The following ZNF521 variants were observed in gnomAD, a reference collection of about 807,000 sequenced individuals.
The protein encoded by ZNF521 is zinc finger protein 521.
Under a neutral mutation model 105.5 loss-of-function variants are expected in ZNF521, and 14 were observed. That is an observed-to-expected ratio of 0.13 (90% CI 0.09 to 0.21). ZNF521 has a LOEUF of 0.21. ZNF521 is among the 10% of genes least tolerant of loss of function. The pLI is 1.00. For missense variants in ZNF521, 1,233 were observed against 1,629.7 expected, an observed-to-expected ratio of 0.76 and a Z score of 4.19; for synonymous variants, 635 against 606.0, an observed-to-expected ratio of 1.05 and a Z score of -0.70.
chr18:25,269,384 G>A (rs146443056), intron 3 of ZNF521, among the ~76,000 whole-genome samples: 31 of 152,218 alleles, frequency 2.0e-4, no homozygotes, highest in African/African-American at 7.2e-4. Flanking sequence ...AGATCAACGC[G>A]ACAGAAAATT....
At chr18:25,217,922 GCTGGACAGCCTT>G (rs1294979078) in intron 4 of ZNF521, among the ~76,000 whole-genome samples, 4 of 152,228 alleles carry the variant, frequency 2.6e-5, no homozygotes, top group South Asian at 2.1e-4. Flanking sequence ...GAAAGGATAA[GCTGGACAGCCTT>G]CTGGAAGGTG....
At chr18:25,143,324 G>A (rs2034885703) in intron 5 of ZNF521, among the ~76,000 whole-genome samples, 1 of 152,092 alleles carries the variant, frequency 6.6e-6, no homozygotes, top group African/African-American at 2.4e-5. Flanking sequence ...GTAAGAGACG[G>A]GGATATAACT....
intron 5 of ZNF521, among the ~76,000 whole-genome samples, chr18:25,171,034 G>A (rs2035440173): frequency 6.6e-6 from 1 of 152,088 alleles, no homozygotes. Flanking sequence ...CTTTAGTTAT[G>A]AGAGACAGAC....
chr18:25,214,247 T>C (rs1438481813), intron 4 of ZNF521, among the ~76,000 whole-genome samples: 1 of 152,144 alleles, frequency 6.6e-6, no homozygotes, highest in African/African-American at 2.4e-5. Flanking sequence ...ATTATTGCAT[T>C]CTTTTTATAG....
intron 3 of ZNF521, among the ~76,000 whole-genome samples, chr18:25,280,763 A>G (rs1334283048): frequency 6.6e-6 from 1 of 152,348 alleles, no homozygotes; most frequent in East Asian, 1.9e-4. Context: ...GCAAAAGTAA[A>G]TGGTATTGTC....
At chr18:25,198,050 C>A (rs1212305140) in intron 4 of ZNF521, among the ~76,000 whole-genome samples, 1 of 151,790 alleles carries the variant, frequency 6.6e-6, no homozygotes, top group Non-Finnish European at 1.5e-5. Flanking sequence ...ATTGTTTGGG[C>A]CCCAGATTGG....
intron 4 of ZNF521, among the ~76,000 whole-genome samples, chr18:25,212,986 T>G (rs1458794090): frequency 6.6e-6 from 1 of 151,682 alleles, no homozygotes; most frequent in Non-Finnish European, 1.5e-5. Context: ...TACCTGTATA[T>G]GACATTATAA....
intron 5 of ZNF521, among the ~76,000 whole-genome samples, chr18:25,153,231 T>C (rs1443257896): frequency 1.3e-5 from 2 of 152,204 alleles, no homozygotes; most frequent in Non-Finnish European, 2.9e-5. Flanking sequence ...TTTTAAGTAA[T>C]TCACTTGGTC....
intron 5 of ZNF521, among the ~76,000 whole-genome samples, chr18:25,185,076 G>A (rs2035697901): frequency 6.6e-6 from 1 of 152,064 alleles, no homozygotes. Context: ...AAAAGATATT[G>A]AAAATACAAA....
intron 3 of ZNF521, among the ~76,000 whole-genome samples, chr18:25,317,874 C>T (rs553469804): frequency 6.6e-6 from 1 of 152,236 alleles, no homozygotes; most frequent in South Asian, 2.1e-4. Context: ...TCATCTACTG[C>T]TGGTGGGAGT....
At chr18:25,292,711 C>T (rs1382115069) in intron 3 of ZNF521, among the ~76,000 whole-genome samples, 3 of 152,156 alleles carry the variant, frequency 2.0e-5, no homozygotes, top group Non-Finnish European at 4.4e-5. Context: ...TCTGCCACTA[C>T]CAGCAGTGAA....
At chr18:25,210,574 G>A (rs1243887545) in intron 4 of ZNF521, among the ~76,000 whole-genome samples, 2 of 152,162 alleles carry the variant, frequency 1.3e-5, no homozygotes, top group African/African-American at 2.4e-5. Flanking sequence ...CTTACGAGGT[G>A]TCTAATGTTC....
chr18:25,072,832 A>G (rs1010889606), intron 7 of ZNF521, among the ~76,000 whole-genome samples: 2 of 152,186 alleles, frequency 1.3e-5, no homozygotes, highest in African/African-American at 4.8e-5. Flanking sequence ...AGTGCTTCAC[A>G]GACAGATGTG....
intron 5 of ZNF521, among the ~76,000 whole-genome samples, chr18:25,139,806 T>C (rs1257809277): frequency 6.6e-6 from 1 of 152,158 alleles, no homozygotes; most frequent in Admixed American, 6.5e-5. Context: ...TATGTTTAAA[T>C]CCTATCCCTG....
chr18:25,173,531 G>T (rs1428402863), intron 5 of ZNF521, among the ~76,000 whole-genome samples: 1 of 152,148 alleles, frequency 6.6e-6, no homozygotes, highest in Non-Finnish European at 1.5e-5. Flanking sequence ...TCTCATTTTG[G>T]GGTGGAAGAG....
chr18:25,246,020 C>A lies in ZNF521; in HGVS notation c.221-18323G>T, dbSNP rs1228552041. Reference sequence around the variant, plus strand: ...CCTTCTCTTAAAAAAAGAAAGAAAACAGCCAAACATGCTAACCGATTGCGC... The same window carrying A: ...CCTTCTCTTAAAAAAAGAAAGAAAAAAGCCAAACATGCTAACCGATTGCGC... On this transcript the variant is annotated intron_variant, in intron 3 of 7. Transcript: ENST00000361524. 3.3e-5 allele frequency among the ~76,000 whole-genome samples: 5 copies of A among 151,776 alleles called. No homozygotes were observed. The East Asian group carries it at 9.7e-4, about 29-fold the overall frequency.
intron 5 of ZNF521, among the ~76,000 whole-genome samples, chr18:25,121,570 T>C (rs2034444937): frequency 6.6e-6 from 1 of 151,890 alleles, no homozygotes; most frequent in South Asian, 2.1e-4. Flanking sequence ...TAAAAAAGTG[T>C]TAGATGACAT....
intron 5 of ZNF521, among the ~76,000 whole-genome samples, chr18:25,166,502 A>C (rs558501141): frequency 6.6e-6 from 1 of 152,320 alleles, no homozygotes; most frequent in East Asian, 1.9e-4. Flanking sequence ...AAGATTGCAA[A>C]TCATTATTTT....
rs571110655 is a variant in ZNF521, at chr18:25,324,504, C to G, written c.41-2317G>C. Among the ~76,000 whole-genome samples, 8 of 152,092 alleles carry G rather than the reference C, an allele frequency of 5.3e-5. No homozygotes were observed. The South Asian group carries it at 1.7e-3, about 32-fold the overall frequency. On this transcript the variant is annotated intron_variant, in intron 2 of 7. Coordinates refer to ENST00000361524, the MANE Select transcript of ZNF521 (RefSeq NM_015461.3). ...CAATTCAGGAAAATAAATAACAGTC[C>G]CAACTATGGCAAATTGACCCCCACA... is the stretch of plus-strand genomic sequence containing the variant.
Sources: allele counts gnomAD v4.1 joint callset (sites outside exome capture counted in the v4.1 genomes callset), GRCh38; gene constraint gnomAD v4.1.1; transcripts MANE v1.5; gene names NCBI Gene and HGNC (gene_info 2026-07-23, HGNC 2026-07-21).